Variants in JPT2 observed in about 807,000 individuals in gnomAD.
JPT2 encodes the protein CRAMP_1 like.
In JPT2, 9 loss-of-function variants were observed where a neutral mutation model predicts 15.9. That is an observed-to-expected ratio of 0.57 (90% CI 0.34 to 0.99). The LOEUF (loss-of-function observed/expected upper bound fraction) is 0.99. Ranked by LOEUF, JPT2 falls within the 50% of genes least tolerant of loss-of-function variation. JPT2 has a pLI of 0.02. For synonymous variants in JPT2, 95 were observed against 91.7 expected (o/e 1.04, Z -0.21); for missense variants, 267 against 252.1 (o/e 1.06, Z -0.40).
intron 1 of JPT2, chr16:1,680,295 A>T: frequency 1.0e-6 from 1 of 993,266 alleles, no homozygotes; most frequent in Non-Finnish European, 1.2e-6. Flanking sequence ...TGCCCGGTAA[A>T]TGATGGTGTT....
rs534431832 is a variant in JPT2, at chr16:1,700,032, T to G, written c.*1034T>G. ...CTAAATTTTAAATACCAGCTTTACA[T>G]AAATGATTGTTGACTCTGGTCTGTT... On this transcript the variant is annotated 3_prime_UTR_variant, in exon 5 of 5. Coordinates refer to ENST00000248098, the MANE Select transcript of JPT2 (RefSeq NM_144570.3). 7 of 371,132 alleles carry G rather than the reference T, an allele frequency of 1.9e-5. No individual in the cohort carries two copies. The highest frequency in any genetic ancestry group is 1.3e-4 in the African/African-American group (6 of 47,564). The allele number at this position is 371,132 out of a possible 1,614,324, so 23.0% of individuals were successfully genotyped here. A position where few individuals can be genotyped will look rare whatever the true frequency, so the allele number is the denominator to read the frequency against.
intron 2 of JPT2, 44 bp downstream of exon 2, chr16:1,685,631 C>T: frequency 6.3e-7 from 1 of 1,576,246 alleles, no homozygotes; most frequent in Non-Finnish European, 8.6e-7. Flanking sequence ...CTCCACGATT[C>T]TCTTTTGAAA....
Position 1,698,420 on chromosome 16 carries a change from A to T in JPT2, c.386-391A>T, listed in dbSNP as rs1229169591. The stretch of plus-strand genomic sequence containing the variant: ...GAAAAGCCCAGGGTAACAGCAACAG[A>T]GCCTGCCTTTGCCTTGCTAAGCCCT... On this transcript the variant is annotated intron_variant, in intron 4 of 4. Coordinates refer to ENST00000248098, the MANE Select transcript of JPT2 (RefSeq NM_144570.3). This position sits in a 1 kb window ranked among gnomAD's most constrained non-coding sequence, Gnocchi z 4.9. 1.3e-5 allele frequency among the ~76,000 whole-genome samples: 2 copies of T among 152,214 alleles called. No individual in the cohort carries two copies. The highest frequency in any genetic ancestry group is 2.9e-5 in the Non-Finnish European group (2 of 68,048).
At chr16:1,680,448 C>T (rs1013325890) in intron 1 of JPT2, 2 of 1,230,826 alleles carry the variant, frequency 1.6e-6, no homozygotes, top group Non-Finnish European at 2.1e-6. Flanking sequence ...GGAGAAAACT[C>T]TTCCTTTTAG....
At chr16:1,682,621 G>A (rs188448926) in intron 1 of JPT2, among the ~76,000 whole-genome samples, 67 of 151,884 alleles carry the variant, frequency 4.4e-4, no homozygotes, top group African/African-American at 1.6e-3. Flanking sequence ...GCAGTGAGCC[G>A]AGATTGTGCC....
chr16:1,683,893 C>T (rs77541793), intron 1 of JPT2, among the ~76,000 whole-genome samples: 1,576 of 152,158 alleles, frequency 0.01, 9 homozygotes, highest in African/African-American at 0.015. Context: ...TCCTTGGTAT[C>T]CTGCGGGAGT....
At chr16:1,682,844 C>CT (rs1253344405) in intron 1 of JPT2, among the ~76,000 whole-genome samples, 18 of 152,148 alleles carry the variant, frequency 1.2e-4, no homozygotes, top group Non-Finnish European at 2.2e-4. Context: ...AGTCCTCACT[C>CT]TTTCGTCCAG....
rs1278762027 is a variant in JPT2, at chr16:1,701,064, T to G, written c.*2066T>G. On this transcript the variant is annotated 3_prime_UTR_variant, in exon 5 of 5. Transcript: ENST00000248098. ...GGCAGTGGGGTGGGATTCAGAGTGCTTAGTCTGCTCACTGGGAGAAGAAGA... is the reference window on the plus strand; with the variant it reads ...GGCAGTGGGGTGGGATTCAGAGTGCGTAGTCTGCTCACTGGGAGAAGAAGA... 6.6e-6 allele frequency: 1 copy of G among 152,300 alleles called. No homozygotes were observed. The highest frequency in any genetic ancestry group is 2.4e-5 in the African/African-American group (1 of 41,434). The allele number at this position is 152,300 out of a possible 1,614,324, so 9.4% of individuals were successfully genotyped here. A position where few individuals can be genotyped will look rare whatever the true frequency, so the allele number is the denominator to read the frequency against.
Position 1,678,305 on chromosome 16 carries a change from C to A in JPT2, c.-8C>A. On this transcript the variant is annotated 5_prime_UTR_variant, in exon 1 of 5. Transcript: ENST00000248098. Reference sequence around the variant, plus strand: ...GCGCGCGGCGAGCTGAGGGTGGCGGCGGTCGACATGTTCCAGGTCCCGGAT... The same window carrying A: ...GCGCGCGGCGAGCTGAGGGTGGCGGAGGTCGACATGTTCCAGGTCCCGGAT... 1.6e-6 allele frequency: 2 copies of A among 1,237,240 alleles called. No individual in the cohort carries two copies. The highest frequency in any genetic ancestry group is 2.0e-6 in the Non-Finnish European group (2 of 987,386). The allele number at this position is 1,237,240 out of a possible 1,614,324, so 76.6% of individuals were successfully genotyped here. A position where few individuals can be genotyped will look rare whatever the true frequency, so the allele number is the denominator to read the frequency against.
Position 1,678,307 on chromosome 16 carries a change from G to A in JPT2, c.-6G>A. Reference sequence around the variant, plus strand: ...GCGCGGCGAGCTGAGGGTGGCGGCGGTCGACATGTTCCAGGTCCCGGATAG... The same window carrying A: ...GCGCGGCGAGCTGAGGGTGGCGGCGATCGACATGTTCCAGGTCCCGGATAG... On this transcript the variant is annotated 5_prime_UTR_variant, in exon 1 of 5. Transcript: ENST00000248098. The A allele has an allele frequency of 1.6e-6, 2 of 1,237,720 alleles. No homozygotes were observed. The highest frequency in any genetic ancestry group is 3.2e-5 in the East Asian group (1 of 31,490). 76.7% of individuals were successfully genotyped at this position (1,237,720 alleles called of 1,614,324 possible). A position where few individuals can be genotyped will look rare whatever the true frequency, so the allele number is the denominator to read the frequency against.
chr16:1,678,591 C>T (rs1228669925), intron 1 of JPT2, among the ~76,000 whole-genome samples: 1 of 152,042 alleles, frequency 6.6e-6, no homozygotes, highest in Non-Finnish European at 1.5e-5. Context: ...GCGACCGAGG[C>T]CGAGGGCGGG....
chr16:1,684,615 C>T (rs1447858941), intron 1 of JPT2, among the ~76,000 whole-genome samples: 16 of 152,122 alleles, frequency 1.1e-4, no homozygotes, highest in Non-Finnish European at 2.1e-4. Flanking sequence ...TGGCGCATAC[C>T]TGTAATCCTA....
At chr16:1,691,778 G>T in intron 2 of JPT2, 65 bp from the exon 3 acceptor site, 2 of 1,547,690 alleles carry the variant, frequency 1.3e-6, no homozygotes, top group South Asian at 2.4e-5. Context: ...AAGCACTGCG[G>T]GGGTGGGGTG....
chr16:1,680,228 G>C (rs371993036), intron 1 of JPT2: 1 of 657,054 alleles, frequency 1.5e-6, no homozygotes, highest in Non-Finnish European at 1.9e-6. Flanking sequence ...CCCCAGCCCT[G>C]TCCCAGTTGT....
chr16:1,685,664 G>C, intron 2 of JPT2, 77 bp downstream of exon 2: 1 of 1,443,106 alleles, frequency 6.9e-7, no homozygotes, highest in South Asian at 1.3e-5. Flanking sequence ...TCTTTATACT[G>C]ATCCTTTCCC....
In JPT2 at chr16:1,700,025, C is replaced by A; in HGVS notation, c.*1027C>A. ...TAAAAAGCTAAATTTTAAATACCAG[C>A]TTTACATAAATGATTGTTGACTCTG... On this transcript the variant is annotated 3_prime_UTR_variant, in exon 5 of 5. Coordinates refer to ENST00000248098, the MANE Select transcript of JPT2 (RefSeq NM_144570.3). The A allele has an allele frequency of 2.8e-6, 1 of 358,242 alleles. No homozygotes were observed. Among genetic ancestry groups the A allele is most frequent in the Admixed American group, 3.1e-5 (1 of 31,842 alleles). The allele number at this position is 358,242 out of a possible 1,614,324, so 22.2% of individuals were successfully genotyped here. A position where few individuals can be genotyped will look rare whatever the true frequency, so the allele number is the denominator to read the frequency against.
intron 1 of JPT2, chr16:1,683,478 C>CTTTT: frequency 7.1e-7 from 1 of 1,413,018 alleles, no homozygotes; most frequent in Admixed American, 2.2e-5. Flanking sequence ...GTGCACCTGT[C>CTTTT]TTTTTTTTTC....
At position 1,698,602 on chromosome 16, in the gene JPT2, C is replaced by T. The variant is rs1478305891; in HGVS notation, c.386-209C>T. Among the ~76,000 whole-genome samples the T allele has an allele frequency of 6.6e-6, 1 of 152,212 alleles. No individual in the cohort carries two copies. The highest frequency in any genetic ancestry group is 6.5e-5 in the Admixed American group (1 of 15,290). ...GAGTATTTACAGTAGCAAGCCCCAA[C>T]TTTATGCCCATTTCAAAACTGCATC... On this transcript the variant is annotated intron_variant, in intron 4 of 4. Transcript: ENST00000248098. The surrounding 1 kb of genome is among the most constrained non-coding windows in gnomAD (Gnocchi z 4.9).
In JPT2 at chr16:1,683,419, C is replaced by G. The variant is rs915607135; in HGVS notation, c.45-2020C>G. Reference sequence around the variant, plus strand: ...AGGTACTGCTCCCGGACAGCCCTTTCTCATTTAAGCTTGGTTATTGGTTAT... The same window carrying G: ...AGGTACTGCTCCCGGACAGCCCTTTGTCATTTAAGCTTGGTTATTGGTTAT... On this transcript the variant is annotated intron_variant, in intron 1 of 4. Transcript: ENST00000248098. 129 of 834,784 alleles carry G rather than the reference C, an allele frequency of 1.5e-4. 2 individuals are homozygous for G. In the East Asian group the frequency reaches 3.4e-3, roughly 22 times the overall value. 51.7% of individuals were successfully genotyped at this position (834,784 alleles called of 1,614,324 possible). A position where few individuals can be genotyped will look rare whatever the true frequency, so the allele number is the denominator to read the frequency against.
Sources: allele counts gnomAD v4.1 joint callset (sites outside exome capture counted in the v4.1 genomes callset), GRCh38; gene constraint gnomAD v4.1.1; non-coding constraint Gnocchi (gnomAD v3.1); transcripts MANE v1.5; gene names NCBI Gene and HGNC (gene_info 2026-07-23, HGNC 2026-07-21).